Variants in PDE4D observed in about 807,000 individuals in gnomAD.
PDE4D encodes the protein 3',5'-cyclic-AMP phosphodiesterase 4D.
In PDE4D, 24 loss-of-function variants were observed where a neutral mutation model predicts 87.4. That is an observed-to-expected ratio of 0.27 (90% confidence interval 0.20 to 0.39). The LOEUF (loss-of-function observed/expected upper bound fraction) is 0.39, where lower values mean the gene tolerates loss of function less well. Among genes scored for constraint, PDE4D ranks in the 10% least tolerant of loss-of-function variants. PDE4D has a pLI of 1.00. For synonymous variants in PDE4D, 384 were observed against 383.2 expected, an observed-to-expected ratio of 1.00 and a Z score of -0.02; for missense variants, 714 against 1,041.0, an observed-to-expected ratio of 0.69 and a Z score of 4.32.
At chr5:59,916,769 C>G (rs1263021186) in intron 3 of PDE4D, among the ~76,000 whole-genome samples, 1 of 151,818 alleles carries the variant, frequency 6.6e-6, no homozygotes, top group East Asian at 1.9e-4. Context: ...TTTTGCAAAT[C>G]TATAAAACTA....
chr5:60,050,089 A>G lies in PDE4D; in HGVS notation c.43-61372T>C, dbSNP rs112166532. 7.5e-3 allele frequency among the ~76,000 whole-genome samples: 1,140 copies of G among 152,344 alleles called. 12 individuals carry two copies. The highest frequency in any genetic ancestry group is 0.026 in the African/African-American group (1,084 of 41,586). ...CCTGGTGCCGTTTTTTAAGGCCGTC[A>G]GAAAAGCGCAGTATTCAGGTGGGAG... On this transcript the variant is annotated intron_variant, in intron 2 of 16. Coordinates refer to the PDE4D transcript ENST00000502484.
intron 1 of PDE4D, among the ~76,000 whole-genome samples, chr5:60,435,333 A>C (rs1744676419): frequency 2.0e-5 from 3 of 152,130 alleles, no homozygotes; most frequent in Non-Finnish European, 2.9e-5. Flanking sequence ...CTTTTTCTAA[A>C]GTACCTGCTT....
intron 1 of PDE4D, among the ~76,000 whole-genome samples, chr5:59,296,273 A>G (rs1179599772): frequency 6.6e-6 from 1 of 152,046 alleles, no homozygotes; most frequent in African/African-American, 2.4e-5. Flanking sequence ...AATAGATATA[A>G]TAAATAATAG....
intron 1 of PDE4D, among the ~76,000 whole-genome samples, chr5:59,702,284 C>T (rs1013159151): frequency 1.2e-4 from 18 of 152,120 alleles, no homozygotes; most frequent in Non-Finnish European, 1.6e-4. Flanking sequence ...CCACCACACC[C>T]GGCTAATTTT....
At chr5:59,931,000 G>A (rs1354405557) in intron 3 of PDE4D, among the ~76,000 whole-genome samples, 4 of 151,824 alleles carry the variant, frequency 2.6e-5, no homozygotes, top group Non-Finnish European at 4.4e-5. Context: ...CTAATATTCT[G>A]GGGATTCTTG....
At chr5:59,029,416 C>CA (rs34120574) in intron 6 of PDE4D, among the ~76,000 whole-genome samples, 55,410 of 87,610 alleles carry the variant, frequency 0.63, 17,854 homozygotes, top group Admixed American at 0.68. Flanking sequence ...GACTCCATCA[C>CA]AAAAAAAAAA....
intron 1 of PDE4D, among the ~76,000 whole-genome samples, chr5:59,610,520 T>G (rs1828852757): frequency 6.6e-6 from 1 of 152,222 alleles, no homozygotes; most frequent in Admixed American, 6.5e-5. Context: ...AACAGATTAA[T>G]CTATTCTCAA....
intron 1 of PDE4D, among the ~76,000 whole-genome samples, chr5:60,393,192 A>C (rs2150030591): frequency 6.6e-6 from 1 of 152,324 alleles, no homozygotes; most frequent in South Asian, 2.1e-4. Context: ...TGTGAGCCTC[A>C]AGACACAACC....
At chr5:60,336,687 T>C (rs561345808) in intron 1 of PDE4D, among the ~76,000 whole-genome samples, 3 of 152,322 alleles carry the variant, frequency 2.0e-5, no homozygotes, top group South Asian at 4.1e-4. Flanking sequence ...ACAAAGTGTC[T>C]GAATGGCTGA....
intron 1 of PDE4D, chr5:59,276,070 T>C (rs926570949): frequency 1.0e-6 from 1 of 978,282 alleles, no homozygotes; most frequent in African/African-American, 1.8e-5. Context: ...CCTCAAGGGC[T>C]GTATGACGTC....
At chr5:60,462,975 T>G (rs955980259) in intron 1 of PDE4D, among the ~76,000 whole-genome samples, 30 of 152,228 alleles carry the variant, frequency 2.0e-4, no homozygotes, top group African/African-American at 6.3e-4. Flanking sequence ...CTTTTAAGTT[T>G]GTAGGTTGAC....
chr5:60,404,346 CT>C (rs34168777), intron 1 of PDE4D, among the ~76,000 whole-genome samples: 59,861 of 151,868 alleles, frequency 0.39, 14,281 homozygotes, highest in African/African-American at 0.66. Flanking sequence ...GAACAATGGG[CT>C]TTGTTAACCT....
chr5:59,858,897 A>T (rs1484158230), intron 1 of PDE4D, among the ~76,000 whole-genome samples: 1 of 152,144 alleles, frequency 6.6e-6, no homozygotes, highest in African/African-American at 2.4e-5. Flanking sequence ...AATGAATGTA[A>T]GTTTTTACAA....
At chr5:59,382,886 C>T (rs1257892991) in intron 1 of PDE4D, among the ~76,000 whole-genome samples, 1 of 152,130 alleles carries the variant, frequency 6.6e-6, no homozygotes, top group Non-Finnish European at 1.5e-5. Flanking sequence ...TTCAATTATT[C>T]TAAGCATTGA....
chr5:59,893,349 G>C lies in PDE4D; in HGVS notation c.274C>G (p.Arg92Gly), dbSNP rs773134882. Reference protein sequence around the residue: ...PPPPPPPGAARGRYASSGATG... With the variant: ...PPPPPPPGAAGGRYASSGATG... ...GCCCCGCTCGAGGCGTAGCGGCCGC[G>C]GGCAGCCCCGGGCGGCGGCGGGGGC... The change falls in exon 1 of 15, where the codon CGC (arginine) becomes GGC (glycine). Residue 92 changes from arginine to glycine, a missense_variant. Transcript: ENST00000340635. 7.9e-7 allele frequency: 1 copy of C among 1,269,728 alleles called. No individual in the cohort carries two copies. Among genetic ancestry groups the C allele is most frequent in the South Asian group, 3.1e-5 (1 of 32,394 alleles). The allele number at this position is 1,269,728 out of a possible 1,614,324, so 78.7% of individuals were successfully genotyped here. A position where few individuals can be genotyped will look rare whatever the true frequency, so the allele number is the denominator to read the frequency against.
chr5:59,775,820 T>C (rs1446352104), intron 1 of PDE4D, among the ~76,000 whole-genome samples: 1 of 152,170 alleles, frequency 6.6e-6, no homozygotes, highest in Non-Finnish European at 1.5e-5. Flanking sequence ...GGAACACATT[T>C]CCTTATCTTT....
intron 2 of PDE4D, among the ~76,000 whole-genome samples, chr5:60,081,446 T>A (rs1773938856): frequency 6.6e-6 from 1 of 152,128 alleles, no homozygotes. Context: ...TGGATTAGTT[T>A]GCTCTTGCCT....
At chr5:59,231,571 G>A (rs1252381447) in intron 1 of PDE4D, among the ~76,000 whole-genome samples, 5 of 152,208 alleles carry the variant, frequency 3.3e-5, no homozygotes, top group Non-Finnish European at 5.9e-5. Context: ...ATCCTAGAAC[G>A]CTACTTGATG....
intron 2 of PDE4D, chr5:59,193,876 A>T: frequency 7.3e-6 from 5 of 683,880 alleles, no homozygotes; most frequent in Non-Finnish European, 9.0e-6. Flanking sequence ...GATATTAGTA[A>T]GGGGTGCTGT....
Sources: gnomAD v4.1 joint callset for allele counts (sites outside exome capture counted in the v4.1 genomes callset) on GRCh38, gnomAD v4.1.1 for gene constraint, MANE v1.5 for transcripts, NCBI Gene and HGNC (gene_info 2026-07-23, HGNC 2026-07-21) for gene names.